The following YTHDC2 variants were observed in gnomAD, a reference collection of about 807,000 sequenced individuals.
The protein encoded by YTHDC2 is 3'-5' RNA helicase YTHDC2.
YTHDC2 carries 45 observed loss-of-function variants against 174.9 expected under a neutral mutation model. The ratio of observed to expected loss-of-function variants is 0.26; its 90% CI spans 0.20 to 0.33. The LOEUF (loss-of-function observed/expected upper bound fraction) is 0.33. Ranked by LOEUF, YTHDC2 falls within the 10% of genes least tolerant of loss-of-function variation. The pLI is 1.00. For synonymous variants in YTHDC2, 657 were observed against 574.5 expected (o/e 1.14, Z -2.05); for missense variants, 1,650 against 1,723.7 (o/e 0.96, Z 0.76).
At position 113,513,887 on chromosome 5, in the gene YTHDC2, T is replaced by C. The variant is rs754300950; in HGVS notation, c.-9T>C. On this transcript the variant is annotated 5_prime_UTR_variant, in exon 1 of 30. Transcript: ENST00000161863. ...CGCTCCCGTGCGGAGAGACCATCTC[T>C]TCAGGGCAATGTCCAGGCCGAGCAG... The C allele has an allele frequency of 1.9e-5, 31 of 1,599,912 alleles. No homozygotes were observed. The highest frequency in any genetic ancestry group is 2.6e-5 in the Non-Finnish European group (31 of 1,174,830).
chr5:113,547,515 G>T (rs928150061), intron 10 of YTHDC2, among the ~76,000 whole-genome samples: 1 of 152,162 alleles, frequency 6.6e-6, no homozygotes, highest in Non-Finnish European at 1.5e-5. Flanking sequence ...ATGTGTCAGT[G>T]CAAGTTCATC....
chr5:113,572,959 C>T (rs6867502), intron 23 of YTHDC2, among the ~76,000 whole-genome samples: 46,555 of 151,920 alleles, frequency 0.31, 9,368 homozygotes, highest in African/African-American at 0.56. Context: ...CATTTACCTT[C>T]AATATTACTT....
At chr5:113,587,696 G>A (rs1199845764) in intron 26 of YTHDC2, among the ~76,000 whole-genome samples, 1 of 149,856 alleles carries the variant, frequency 6.7e-6, no homozygotes, top group Non-Finnish European at 1.5e-5. Flanking sequence ...TCAATCAATT[G>A]TCCTTCAACT....
At chr5:113,561,411 G>A (rs896193409) in intron 18 of YTHDC2, among the ~76,000 whole-genome samples, 4 of 150,744 alleles carry the variant, frequency 2.7e-5, no homozygotes, top group Middle Eastern at 3.4e-3. Context: ...TTAAATTATG[G>A]TACAGTTTTA....
At chr5:113,582,725 C>G (rs982076898) in intron 25 of YTHDC2, 7 of 151,932 alleles carry the variant, frequency 4.6e-5, no homozygotes, top group Admixed American at 2.6e-4. Context: ...TTTTTAGTAC[C>G]TTTTTTGATC....
chr5:113,542,654 ATCT>A (rs1387710875), intron 10 of YTHDC2, 151 bp downstream of exon 10: 2 of 662,770 alleles, frequency 3.0e-6, no homozygotes, highest in African/African-American at 1.8e-5. Context: ...ACAAATCAGG[ATCT>A]TCTTGCTAGC....
chr5:113,563,660 G>T (rs934118114), intron 19 of YTHDC2, among the ~76,000 whole-genome samples, 168 bp downstream of exon 19: 5 of 152,082 alleles, frequency 3.3e-5, no homozygotes, highest in African/African-American at 1.2e-4. Flanking sequence ...AAATGATCAT[G>T]TACTTTAAAT....
intron 5 of YTHDC2, among the ~76,000 whole-genome samples, chr5:113,533,563 T>C (rs1408539016): frequency 6.6e-6 from 1 of 151,014 alleles, no homozygotes; most frequent in African/African-American, 2.4e-5. Context: ...AAAAAAAAAA[T>C]TCCGTTTCCT....
At position 113,514,075 on chromosome 5, in the gene YTHDC2, C is replaced by G. The variant is rs1285275628; in HGVS notation, c.180C>G (p.Asp60Glu). 2.5e-6 allele frequency: 4 copies of G among 1,611,456 alleles called. No individual in the cohort carries two copies. Among genetic ancestry groups the G allele is most frequent in the Non-Finnish European group, 3.4e-6 (4 of 1,178,998 alleles). ...CGCTGGAGCGCTTCCGATACGGGGA[C>G]CAGAGAGGTGAGGTTCCGGACAGGG... Reference protein sequence around the residue: ...NIALERFRYGDQREMEFPSSL... With the variant: ...NIALERFRYGEQREMEFPSSL... Residue 60 changes from aspartate (D) to glutamate (E), a missense_variant, in exon 1 of 30, where the codon GAC (aspartate) becomes GAG (glutamate). Asp to Glu is a conservative substitution (Grantham distance 45). Transcript: ENST00000161863.
rs992490657 is a variant in YTHDC2 at position 113,518,432 on chromosome 5, G to A, written c.278+3070G>A. 2.0e-5 allele frequency among the ~76,000 whole-genome samples: 3 copies of A among 151,744 alleles called. No individual in the cohort carries two copies. The South Asian group carries it at 6.2e-4, about 32-fold the overall frequency. On this transcript the variant is annotated intron_variant, in intron 2 of 29. Transcript: ENST00000161863. ...GCTCAGGATGGTCTTGAACTACTGG[G>A]CTCAAGCAATCCTCCCTCATTGGCC... is the stretch of plus-strand genomic sequence containing the variant.
Position 113,542,473 on chromosome 5 carries a change from T to G in YTHDC2, c.1465T>G (p.Phe489Val). 6.2e-7 allele frequency: 1 copy of G among 1,606,778 alleles called. No individual in the cohort carries two copies. Among genetic ancestry groups the G allele is most frequent in the South Asian group, 1.1e-5 (1 of 88,144 alleles). The change falls in exon 10 of 30, where the codon TTT becomes GTT. Residue 489 changes from phenylalanine (F) to valine (V), a missense_variant. This residue lies in a region of YTHDC2 where 411 missense variants were observed against 380.6 expected (regional missense o/e 1.08). Transcript: ENST00000161863. ...AGATATTGATGCCTTTGCTCAGGTCTTTCATCTCATTTTAACTGAAAATGT... is the reference window on the plus strand; with the variant it reads ...AGATATTGATGCCTTTGCTCAGGTCGTTCATCTCATTTTAACTGAAAATGT... Reference protein sequence around the residue: ...HKDIDAFAQVFHLILTENVSV... With the variant: ...HKDIDAFAQVVHLILTENVSV...
At chr5:113,524,942 A>G (rs1432630909) in intron 2 of YTHDC2, 39 bp from the exon 3 acceptor site, 3 of 1,446,854 alleles carry the variant, frequency 2.1e-6, no homozygotes, top group Non-Finnish European at 2.8e-6. Flanking sequence ...GAACAAGTTG[A>G]CTTTATATAG....
At chr5:113,545,074 CGTT>C (rs1452304469) in intron 10 of YTHDC2, among the ~76,000 whole-genome samples, 1 of 151,844 alleles carries the variant, frequency 6.6e-6, no homozygotes, top group Admixed American at 6.6e-5. Context: ...AGATTTGGCC[CGTT>C]GTTTCTGCCT....
intron 12 of YTHDC2, among the ~76,000 whole-genome samples, chr5:113,550,713 T>C (rs1776197395): frequency 6.6e-6 from 1 of 152,140 alleles, no homozygotes; most frequent in Non-Finnish European, 1.5e-5. Flanking sequence ...GCAGTGTGAC[T>C]AGGAGTTTTT....
chr5:113,555,898 G>T (rs762278210), intron 16 of YTHDC2, among the ~76,000 whole-genome samples, 154 bp from the exon 17 acceptor site: 5 of 152,244 alleles, frequency 3.3e-5, no homozygotes, highest in Middle Eastern at 3.4e-3. Flanking sequence ...GAAAATCAGG[G>T]TTTATTAAAA....
At position 113,545,951 on chromosome 5, in the gene YTHDC2, G is replaced by A. The variant is rs1225289770; in HGVS notation, c.1496-2590G>A. Among the ~76,000 whole-genome samples the A allele has an allele frequency of 5.5e-5, 6 of 109,174 alleles. 3 individuals carry two copies. The highest frequency in any genetic ancestry group is 2.2e-4 in the African/African-American group (4 of 18,598). The allele number at this position is 109,174 out of a possible 152,430, so 71.6% of individuals were successfully genotyped here. A position where few individuals can be genotyped will look rare whatever the true frequency, so the allele number is the denominator to read the frequency against. On this transcript the variant is annotated intron_variant, in intron 10 of 29. Coordinates refer to ENST00000161863, the MANE Select transcript of YTHDC2 (RefSeq NM_022828.5). ...GAGACGGGGTTTCACCGTTTTAGCC[G>A]GGATGGTCTCGATCTCCTGACCTCG...
At chr5:113,526,809 T>TAC in intron 4 of YTHDC2, 24 bp downstream of exon 4, 3 of 667,512 alleles carry the variant, frequency 4.5e-6, no homozygotes, top group Non-Finnish European at 5.7e-6. Context: ...TTGTTGTTTA[T>TAC]AGAAAAAAAA....
At chr5:113,579,767 A>G in intron 24 of YTHDC2, 72 bp downstream of exon 24, 1 of 1,400,052 alleles carries the variant, frequency 7.1e-7, no homozygotes, top group Admixed American at 2.8e-5. Flanking sequence ...AATATGATAA[A>G]ATTTTTTTCT....
chr5:113,585,005 T>G (rs1383480773), intron 26 of YTHDC2, among the ~76,000 whole-genome samples: 1 of 152,016 alleles, frequency 6.6e-6, no homozygotes, highest in African/African-American at 2.4e-5. Context: ...GGCCTCAAAC[T>G]CCTGGGCTCA....
Sources: gnomAD v4.1 joint callset for allele counts (sites outside exome capture counted in the v4.1 genomes callset) on GRCh38, gnomAD v4.1.1 for gene constraint, gnomAD v4.1.1 regional missense constraint, MANE v1.5 for transcripts, NCBI Gene and HGNC (gene_info 2026-07-23, HGNC 2026-07-21) for gene names.